The following PIEZO2 variants were observed in gnomAD, a reference collection of about 807,000 sequenced individuals.
The protein encoded by PIEZO2 is piezo-type mechanosensitive ion channel component 2.
Under a neutral mutation model 337.3 loss-of-function variants are expected in PIEZO2, and 172 were observed. That is an observed-to-expected ratio of 0.51 (90% CI 0.45 to 0.58). The LOEUF is 0.58. Ranked by LOEUF, PIEZO2 falls within the 20% of genes least tolerant of loss-of-function variation. PIEZO2 has a pLI of 0.00. For missense variants in PIEZO2, 3,028 were observed against 3,391.3 expected (o/e 0.89, Z 2.66); for synonymous variants, 1,251 against 1,228.5 (o/e 1.02, Z -0.38).
rs182129234 is a variant in PIEZO2 at position 10,776,969 on chromosome 18, T to A, written c.2535-2931A>T. Among the ~76,000 whole-genome samples, 29 of 152,334 alleles carry A rather than the reference T, an allele frequency of 1.9e-4. No homozygotes were observed. In the East Asian group the frequency reaches 4.6e-3, roughly 24 times the overall value. On this transcript the variant is annotated intron_variant, in intron 18 of 55. Coordinates refer to ENST00000674853, the MANE Select transcript of PIEZO2 (RefSeq NM_001378183.1). ...ATCAGGCTTCAGGCTAAGGAACTTA[T>A]AAGACTTATAATTCTTTACTGAATA...
At chr18:10,739,164 C>T (rs6505588) in intron 33 of PIEZO2, 49,297 of 152,056 alleles carry the variant, frequency 0.32, 8,670 homozygotes, top group East Asian at 0.53. Context: ...CCCTTTCATT[C>T]TTCATTCACT....
chr18:10,700,790 T>C (rs927824752), intron 43 of PIEZO2, among the ~76,000 whole-genome samples: 8 of 152,196 alleles, frequency 5.3e-5, no homozygotes, highest in African/African-American at 2.4e-5. Context: ...ATTCAAGTAA[T>C]TAACATATCC....
At chr18:11,044,262 A>T (rs1284448088) in intron 2 of PIEZO2, among the ~76,000 whole-genome samples, 1 of 151,486 alleles carries the variant, frequency 6.6e-6, no homozygotes, top group Non-Finnish European at 1.5e-5. Flanking sequence ...TAACAAATAA[A>T]GTCTTTTCAA....
chr18:10,983,993 C>T (rs143626189), intron 2 of PIEZO2, among the ~76,000 whole-genome samples: 1 of 152,140 alleles, frequency 6.6e-6, no homozygotes, highest in East Asian at 1.9e-4. Context: ...AAGAATGGAG[C>T]AGGTGCATCC....
At chr18:10,718,289 A>G in intron 36 of PIEZO2, 30 bp from the exon 37 acceptor site, 1 of 1,507,462 alleles carries the variant, frequency 6.6e-7, no homozygotes. Context: ...AAGATGAGTT[A>G]AATTCCATCT....
chr18:10,774,533 G>T (rs1395745455), intron 18 of PIEZO2, among the ~76,000 whole-genome samples: 2 of 152,076 alleles, frequency 1.3e-5, no homozygotes, highest in Non-Finnish European at 2.9e-5. Flanking sequence ...GCGAACTGTC[G>T]ATTGGCAACC....
At position 10,770,112 on chromosome 18, in the gene PIEZO2, C is replaced by T. The variant is rs373904716; in HGVS notation, c.2946+36G>A. The T allele has an allele frequency of 7.2e-6, 11 of 1,532,044 alleles. No homozygotes were observed. The African/African-American group carries it at 1.5e-4, about 21-fold the overall frequency. 94.9% of individuals were successfully genotyped at this position (1,532,044 alleles called of 1,614,324 possible). Reference sequence around the variant, plus strand: ...AGGAAAATGATGACCTACTGTGGTTCTGTTCAGCCTGATGATAGGACAAAT... The same window carrying T: ...AGGAAAATGATGACCTACTGTGGTTTTGTTCAGCCTGATGATAGGACAAAT... On this transcript the variant is annotated intron_variant, in intron 21 of 55. Coordinates refer to ENST00000674853, the MANE Select transcript of PIEZO2 (RefSeq NM_001378183.1).
At chr18:10,959,974 C>T (rs2033695850) in intron 3 of PIEZO2, among the ~76,000 whole-genome samples, 1 of 152,102 alleles carries the variant, frequency 6.6e-6, no homozygotes, top group African/African-American at 2.4e-5. Context: ...TATATTCCTA[C>T]TGTCAGGGAA....
chr18:10,954,692 G>A lies in PIEZO2; in HGVS notation c.286+24843C>T, dbSNP rs185525. 0.42 allele frequency among the ~76,000 whole-genome samples: 64,542 copies of A among 151,976 alleles called. 14,487 individuals are homozygous for A. The highest frequency in any genetic ancestry group is 0.51 in the Non-Finnish European group (34,592 of 67,974). On this transcript the variant is annotated intron_variant, in intron 3 of 55. Coordinates refer to ENST00000674853, the MANE Select transcript of PIEZO2 (RefSeq NM_001378183.1). The surrounding 1 kb of genome is among the most constrained non-coding windows in gnomAD (Gnocchi z 4.2). ...CCACTGCAGTCCACTTTTGGGACTG[G>A]TTGCCATGGTGATGGCTGTGGCAGA...
chr18:11,141,918 T>C (rs1021912363), intron 1 of PIEZO2, among the ~76,000 whole-genome samples: 2 of 152,218 alleles, frequency 1.3e-5, no homozygotes, highest in African/African-American at 4.8e-5. Flanking sequence ...CTAAGTAGTT[T>C]CTGCAGAACT....
Position 11,003,254 on chromosome 18 carries a change from G to T in PIEZO2, c.161-23594C>A, listed in dbSNP as rs1031494446. Among the ~76,000 whole-genome samples, 3 of 150,832 alleles carry T rather than the reference G, an allele frequency of 2.0e-5. No homozygotes were observed. The highest frequency in any genetic ancestry group is 7.5e-5 in the African/African-American group (3 of 40,216). On this transcript the variant is annotated intron_variant, in intron 2 of 55. Transcript: ENST00000674853. This position sits in a 1 kb window ranked among gnomAD's most constrained non-coding sequence, Gnocchi z 4.6. ...GGTCTAGGATGTGTTTTCTTTTGTTGTTTGTTTGTTTTGTTTTGTTTTGTT... is the reference window on the plus strand; with the variant it reads ...GGTCTAGGATGTGTTTTCTTTTGTTTTTTGTTTGTTTTGTTTTGTTTTGTT...
At chr18:10,675,644 A>C (rs936945845) in intron 53 of PIEZO2, among the ~76,000 whole-genome samples, 2 of 152,198 alleles carry the variant, frequency 1.3e-5, no homozygotes, top group Admixed American at 6.5e-5. Context: ...AGCACGCTTC[A>C]AATTTTAATT....
intron 3 of PIEZO2, among the ~76,000 whole-genome samples, chr18:10,913,279 T>A (rs1187264993): frequency 6.6e-6 from 1 of 152,084 alleles, no homozygotes; most frequent in Non-Finnish European, 1.5e-5. Context: ...GAAGCCACAG[T>A]GTGTTCAAGA....
chr18:11,046,283 C>T (rs9952340), intron 2 of PIEZO2, among the ~76,000 whole-genome samples: 7,348 of 152,306 alleles, frequency 0.048, 628 homozygotes, highest in African/African-American at 0.17. Flanking sequence ...TATTCAAAGA[C>T]AGATGCAGCC....
At chr18:10,893,771 A>G (rs955573950) in intron 4 of PIEZO2, 1 of 152,238 alleles carries the variant, frequency 6.6e-6, no homozygotes, top group African/African-American at 2.4e-5. Context: ...AGTAACAGCT[A>G]ACTGTTTATA....
Position 10,689,523 on chromosome 18 carries a change from A to T in PIEZO2, c.7497+132T>A, listed in dbSNP as rs1346047397. ...TCCCAACTCTAGTGGGTTGGAAATC[A>T]CTGGGACATTTATAGGTTGTGGTAG... On this transcript the variant is annotated intron_variant, in intron 49 of 55. Transcript: ENST00000674853. 7 of 1,194,792 alleles carry T rather than the reference A, an allele frequency of 5.9e-6. No homozygotes were observed. The African/African-American group carries it at 1.0e-4, about 18-fold the overall frequency. The allele number at this position is 1,194,792 out of a possible 1,614,324, so 74.0% of individuals were successfully genotyped here.
chr18:10,852,446 G>T (rs1244446513), intron 7 of PIEZO2, among the ~76,000 whole-genome samples: 1 of 152,062 alleles, frequency 6.6e-6, no homozygotes, highest in Admixed American at 6.5e-5. Flanking sequence ...TGACTGAATA[G>T]CTCTCTATAG....
chr18:11,062,030 A>G (rs1340895715), intron 2 of PIEZO2, among the ~76,000 whole-genome samples: 1 of 152,190 alleles, frequency 6.6e-6, no homozygotes, highest in East Asian at 1.9e-4. Context: ...TACAGTAACC[A>G]AAACAGCATG....
At chr18:10,744,740 C>T (rs1386713158) in intron 30 of PIEZO2, among the ~76,000 whole-genome samples, 1 of 152,184 alleles carries the variant, frequency 6.6e-6, no homozygotes, top group Non-Finnish European at 1.5e-5. Context: ...TCTCTTCTTC[C>T]TGTCCTTCCA....
Sources: allele counts gnomAD v4.1 joint callset (sites outside exome capture counted in the v4.1 genomes callset), GRCh38; gene constraint gnomAD v4.1.1; non-coding constraint Gnocchi (gnomAD v3.1); transcripts MANE v1.5; gene names NCBI Gene and HGNC (gene_info 2026-07-23, HGNC 2026-07-21).